MAPK10: variants seen among roughly 807,000 people sequenced by gnomAD.
MAPK10 encodes the protein mitogen-activated protein kinase 10.
In MAPK10, 25 loss-of-function variants were observed where a neutral mutation model predicts 59.3. The observed-to-expected ratio is 0.42, with a 90% CI of 0.31 to 0.59. MAPK10 has a LOEUF of 0.59. MAPK10 is among the 20% of genes least tolerant of loss of function. MAPK10 has a pLI of 0.15. For missense variants in MAPK10, 351 were observed against 568.9 expected (o/e 0.62, Z 3.90); for synonymous variants, 190 against 200.5 (o/e 0.95, Z 0.44).
intron 1 of MAPK10, among the ~76,000 whole-genome samples, chr4:86,540,388 T>A (rs1186250502): frequency 1.3e-5 from 2 of 152,084 alleles, no homozygotes; most frequent in Admixed American, 1.3e-4. Context: ...TGGTCCCAAC[T>A]ACTCAGGGGG....
intron 13 of MAPK10, among the ~76,000 whole-genome samples, chr4:86,018,028 G>C (rs1254046352): frequency 6.6e-6 from 1 of 152,196 alleles, no homozygotes; most frequent in Non-Finnish European, 1.5e-5. Context: ...GCGGGCATTT[G>C]CATTTTTTAA....
chr4:86,265,508 CAA>C (rs529247040), intron 2 of MAPK10, among the ~76,000 whole-genome samples: 82 of 114,858 alleles, frequency 7.1e-4, no homozygotes, highest in African/African-American at 1.9e-3. Flanking sequence ...GTCTCCATCT[CAA>C]AAAAAAAAAA....
At position 86,017,505 on chromosome 4, in the gene MAPK10, C is replaced by G. The variant is rs1743880517; in HGVS notation, c.1253-135G>C. 1.1e-6 allele frequency: 1 copy of G among 877,376 alleles called. No individual in the cohort carries two copies. The highest frequency in any genetic ancestry group is 1.8e-6 in the Non-Finnish European group (1 of 558,356). The allele number at this position is 877,376 out of a possible 1,614,324, so 54.3% of individuals were successfully genotyped here. ...AATCATTTGGCAAGCCTTTATAGAG[C>G]AGCTGACATAGGGGAGCATATCAAA... On this transcript the variant is annotated intron_variant, in intron 13 of 13. Transcript: ENST00000641462. This position sits in a 1 kb window ranked among gnomAD's most constrained non-coding sequence, Gnocchi z 4.4.
At chr4:86,330,557 G>A (rs188988221) in intron 2 of MAPK10, among the ~76,000 whole-genome samples, 435 of 152,086 alleles carry the variant, frequency 2.9e-3, no homozygotes, top group Non-Finnish European at 4.2e-3. Flanking sequence ...TGGTGAGTGA[G>A]TTCTCAGGAG....
At chr4:86,026,493 TACA>T (rs1170855443) in intron 13 of MAPK10, 2 of 152,214 alleles carry the variant, frequency 1.3e-5, no homozygotes, top group Non-Finnish European at 2.9e-5. Flanking sequence ...CTTATTGACA[TACA>T]ACAATTTCAT....
At chr4:86,571,815 C>T (rs1049595044) in intron 1 of MAPK10, among the ~76,000 whole-genome samples, 3 of 151,984 alleles carry the variant, frequency 2.0e-5, no homozygotes, top group African/African-American at 7.2e-5. Flanking sequence ...TTGGGGTCAG[C>T]TACATTATGT....
intron 1 of MAPK10, among the ~76,000 whole-genome samples, chr4:86,493,210 G>A (rs1390261998): frequency 6.6e-6 from 1 of 152,180 alleles, no homozygotes; most frequent in Non-Finnish European, 1.5e-5. Flanking sequence ...CACCCCTGGA[G>A]TCTCTGTGAA....
chr4:86,468,783 G>T lies in MAPK10; in HGVS notation c.-262-114139C>A, dbSNP rs182197401. Reference sequence around the variant, plus strand: ...GCAGGAGAATTGCTTGAACCCAGGAGGCAGAGGTTGCAGTGAGCCAAGATC... The same window carrying T: ...GCAGGAGAATTGCTTGAACCCAGGATGCAGAGGTTGCAGTGAGCCAAGATC... On this transcript the variant is annotated intron_variant, in intron 1 of 4. Transcript: ENST00000502302. 2.6e-5 allele frequency among the ~76,000 whole-genome samples: 4 copies of T among 152,228 alleles called. No homozygotes were observed. The East Asian group carries it at 7.7e-4, about 29-fold the overall frequency.
chr4:86,116,297 G>A (rs1025927478), intron 4 of MAPK10, among the ~76,000 whole-genome samples: 2 of 152,154 alleles, frequency 1.3e-5, no homozygotes, highest in Admixed American at 6.5e-5. Context: ...ACTACAGCCA[G>A]TTAGCATTCT....
intron 3 of MAPK10, among the ~76,000 whole-genome samples, chr4:86,165,824 T>G (rs1290493512): frequency 6.6e-6 from 1 of 152,078 alleles, no homozygotes; most frequent in African/African-American, 2.4e-5. Flanking sequence ...CAGCAGAGGG[T>G]TACATCCTGG....
At chr4:86,549,921 T>C (rs1302249413) in intron 1 of MAPK10, among the ~76,000 whole-genome samples, 10 of 152,116 alleles carry the variant, frequency 6.6e-5, no homozygotes, top group Admixed American at 5.2e-4. Context: ...TAAGTCACAT[T>C]ATACCTTAAA....
intron 1 of MAPK10, among the ~76,000 whole-genome samples, chr4:86,570,940 T>C (rs1375536203): frequency 6.6e-6 from 1 of 152,086 alleles, no homozygotes; most frequent in African/African-American, 2.4e-5. Flanking sequence ...TTTCAGTTGT[T>C]AATAACTCCT....
At chr4:86,222,424 T>C (rs1372686904) in intron 2 of MAPK10, among the ~76,000 whole-genome samples, 1 of 152,140 alleles carries the variant, frequency 6.6e-6, no homozygotes, top group Non-Finnish European at 1.5e-5. Flanking sequence ...GTTACTCCTC[T>C]TCCCCAGTGA....
chr4:86,143,904 T>C (rs2064211788), intron 4 of MAPK10, among the ~76,000 whole-genome samples: 1 of 152,198 alleles, frequency 6.6e-6, no homozygotes, highest in Non-Finnish European at 1.5e-5. Context: ...AAAGCTAAAA[T>C]TCCTCTGGCA....
chr4:86,299,587 T>C (rs531514129), intron 2 of MAPK10, among the ~76,000 whole-genome samples: 10 of 152,172 alleles, frequency 6.6e-5, no homozygotes, highest in Non-Finnish European at 1.3e-4. Flanking sequence ...ATTTCTGTTA[T>C]GTATAAGCTA....
chr4:86,099,897 A>T lies in MAPK10; in HGVS notation c.730+1155T>A, dbSNP rs537054550. 2.6e-5 allele frequency: 4 copies of T among 152,284 alleles called. No homozygotes were observed. The South Asian group carries it at 6.2e-4, about 24-fold the overall frequency. The allele number at this position is 152,284 out of a possible 1,614,324, so 9.4% of individuals were successfully genotyped here. A position where few individuals can be genotyped will look rare whatever the true frequency, so the allele number is the denominator to read the frequency against. On this transcript the variant is annotated intron_variant, in intron 8 of 13. Transcript: ENST00000641462. Reference sequence around the variant, plus strand: ...AGGAGGGCTAGATTCATCTCTTCTGAGTCAAAAGGTACCAGAACTCCGATA... The same window carrying T: ...AGGAGGGCTAGATTCATCTCTTCTGTGTCAAAAGGTACCAGAACTCCGATA...
chr4:86,544,109 T>G (rs1301301023), intron 1 of MAPK10, among the ~76,000 whole-genome samples: 1 of 152,172 alleles, frequency 6.6e-6, no homozygotes, highest in Non-Finnish European at 1.5e-5. Context: ...GGAATTCCAA[T>G]AAGAAGATTA....
intron 9 of MAPK10, among the ~76,000 whole-genome samples, chr4:86,077,170 T>C (rs1027055065): frequency 1.3e-5 from 2 of 152,166 alleles, no homozygotes; most frequent in South Asian, 4.1e-4. Flanking sequence ...AAATGTGATA[T>C]TACTAAGGTA....
chr4:86,444,942 G>A (rs1013363439), intron 1 of MAPK10, among the ~76,000 whole-genome samples: 2 of 152,178 alleles, frequency 1.3e-5, no homozygotes, highest in Admixed American at 1.3e-4. Context: ...AGGCTGTGGA[G>A]AAATAGGAAT....
Sources: allele counts gnomAD v4.1 joint callset (sites outside exome capture counted in the v4.1 genomes callset), GRCh38; gene constraint gnomAD v4.1.1; non-coding constraint Gnocchi (gnomAD v3.1); transcripts MANE v1.5; gene names NCBI Gene and HGNC (gene_info 2026-07-23, HGNC 2026-07-21).